NECTIN1: variants seen among roughly 807,000 people sequenced by gnomAD.
NECTIN1 encodes the protein nectin cell adhesion molecule 1, also known as nectin-1.
In NECTIN1, 23 loss-of-function variants were observed where a neutral mutation model predicts 48.0. The observed-to-expected ratio is 0.48, with a 90% CI of 0.34 to 0.68. The LOEUF is 0.68. NECTIN1 is among the 30% of genes least tolerant of loss of function. The probability of loss-of-function intolerance (pLI) is 0.01; values close to 1 mark genes in which losing one functional copy is unlikely to be tolerated. For synonymous variants in NECTIN1, 270 were observed against 288.9 expected, an observed-to-expected ratio of 0.93 and a Z score of 0.66; for missense variants, 591 against 709.9, an observed-to-expected ratio of 0.83 and a Z score of 1.90.
chr11:119,664,862 C>T lies in NECTIN1; in HGVS notation c.1439G>A (p.Gly480Asp), dbSNP rs1350597487. ...GTAGCCCAGAGTCCGGTCCCCGTAG[C>T]CGTCCTGACGGGCCTCGGCCTCATC... ...TVDEAEARQD[G>D]YGDRTLGYQY... The change falls in exon 6 of 6, where the codon GGC (glycine) becomes GAC (aspartate). Residue 480 changes from glycine (G) to aspartate (D), a missense_variant. Gly to Asp is a moderately conservative substitution (Grantham distance 94). Transcript: ENST00000264025. 6 of 1,614,022 alleles carry T rather than the reference C, an allele frequency of 3.7e-6. No homozygotes were observed. The highest frequency in any genetic ancestry group is 1.3e-5 in the African/African-American group (1 of 75,038).
At chr11:119,670,822 A>G (rs1311514818) in intron 5 of NECTIN1, among the ~76,000 whole-genome samples, 1 of 151,772 alleles carries the variant, frequency 6.6e-6, no homozygotes, top group Non-Finnish European at 1.5e-5. Flanking sequence ...AATATTTTGT[A>G]GAGACGGGGT....
At chr11:119,719,446 C>T (rs1865793653) in intron 1 of NECTIN1, among the ~76,000 whole-genome samples, 1 of 152,188 alleles carries the variant, frequency 6.6e-6, no homozygotes, top group Non-Finnish European at 1.5e-5. Flanking sequence ...AATCCTGGCT[C>T]TGCCACTTAC....
chr11:119,689,552 GTGTGGGTGGGGCCC>G (rs1015159168), intron 1 of NECTIN1, among the ~76,000 whole-genome samples: 1 of 152,210 alleles, frequency 6.6e-6, no homozygotes, highest in Non-Finnish European at 1.5e-5. Context: ...AGGCTTCAGG[GTGTGGGTGGGGCCC>G]TGCTGCTGAA....
chr11:119,709,652 CTG>C lies in NECTIN1; in HGVS notation c.79+18821_79+18822del, dbSNP rs1865602839. Among the ~76,000 whole-genome samples the C allele has an allele frequency of 6.6e-6, 1 of 151,754 alleles. No homozygotes were observed. The highest frequency in any genetic ancestry group is 6.6e-5 in the Admixed American group (1 of 15,256). On this transcript the variant is annotated intron_variant, in intron 1 of 5. Transcript: ENST00000264025. The surrounding 1 kb of genome is among the most constrained non-coding windows in gnomAD (Gnocchi z 4.1). ...AAGCCTGAAAGGAGCCTGGGAAAGA[CTG>C]GGGCTGGGGGCTGGGGGCTGGGAGA...
intron 5 of NECTIN1, among the ~76,000 whole-genome samples, chr11:119,648,277 ATGGTGG>A (rs1328646018): frequency 1.1e-3 from 28 of 25,036 alleles, no homozygotes; most frequent in African/African-American, 5.2e-3. Context: ...GGTGGTGGTG[ATGGTGG>A]TGGTGATGGT....
chr11:119,666,819 C>CA (rs1864778361), intron 5 of NECTIN1, among the ~76,000 whole-genome samples: 1 of 152,204 alleles, frequency 6.6e-6, no homozygotes, highest in African/African-American at 2.4e-5. Flanking sequence ...GGTGCTATCC[C>CA]ACTCGGCAGG....
In NECTIN1 at chr11:119,664,406, G is replaced by C; in HGVS notation, c.*341C>G. 9.1e-7 allele frequency: 1 copy of C among 1,096,708 alleles called. No homozygotes were observed. The highest frequency in any genetic ancestry group is 1.6e-5 in the African/African-American group (1 of 61,292). The allele number at this position is 1,096,708 out of a possible 1,614,324, so 67.9% of individuals were successfully genotyped here. A position where few individuals can be genotyped will look rare whatever the true frequency, so the allele number is the denominator to read the frequency against. On this transcript the variant is annotated 3_prime_UTR_variant, in exon 6 of 6. Transcript: ENST00000264025. ...CAGTGTAGGGGGGCGGGGGAGGCTGGCTCCCCAAACCCTGGAGGGATGCCC... is the reference window on the plus strand; with the variant it reads ...CAGTGTAGGGGGGCGGGGGAGGCTGCCTCCCCAAACCCTGGAGGGATGCCC...
At chr11:119,660,646 C>A (rs1252309226), downstream of NECTIN1, among the ~76,000 whole-genome samples, 1 of 152,178 alleles carries the variant, frequency 6.6e-6, no homozygotes, top group African/African-American at 2.4e-5. Flanking sequence ...ACCCGTACCC[C>A]TAGGAGGGCA....
In NECTIN1 at chr11:119,728,689, CGGGGCGGGGTGGGCTGGGTGGG is replaced by C; in HGVS notation, c.-158_-137del. 1 of 69,738 alleles carries C rather than the reference CGGGGCGGGGTGGGCTGGGTGGG, an allele frequency of 1.4e-5. No homozygotes were observed. Among genetic ancestry groups the C allele is most frequent in the East Asian group, 4.0e-4 (1 of 2,482 alleles). The allele number at this position is 69,738 out of a possible 1,614,324, so 4.3% of individuals were successfully genotyped here. A position where few individuals can be genotyped will look rare whatever the true frequency, so the allele number is the denominator to read the frequency against. On this transcript the variant is annotated 5_prime_UTR_variant, in exon 1 of 6. The change creates a new upstream start codon in the 5' untranslated region. Transcript: ENST00000264025. ...ATCCAGGTCAGCTGCAGCCGTCGGC[CGGGGCGGGGTGGGCTGGGTGGG>C]ATCCGCGCGGCCGCAGTCCGGGCCC...
chr11:119,647,318 C>A (rs1421046032), intron 5 of NECTIN1, among the ~76,000 whole-genome samples: 1 of 151,760 alleles, frequency 6.6e-6, no homozygotes, highest in Admixed American at 6.6e-5. Flanking sequence ...ATGTCACCAG[C>A]ACCCCTGCCC....
At chr11:119,701,807 G>T (rs1382567881) in intron 1 of NECTIN1, among the ~76,000 whole-genome samples, 1 of 152,198 alleles carries the variant, frequency 6.6e-6, no homozygotes, top group African/African-American at 2.4e-5. Flanking sequence ...AAGGTGGTGG[G>T]GGGTGGTCAT....
At position 119,707,528 on chromosome 11, in the gene NECTIN1, C is replaced by T. The variant is rs757957968; in HGVS notation, c.79+20947G>A. Among the ~76,000 whole-genome samples, 13 of 152,216 alleles carry T rather than the reference C, an allele frequency of 8.5e-5. No homozygotes were observed. In the South Asian group the frequency reaches 1.9e-3, roughly 22 times the overall value. ...TCGAACAGGGTGAACAACACCTCCCCACCGTCTCCCCACTCCAACTGCCCA... is the reference window on the plus strand; with the variant it reads ...TCGAACAGGGTGAACAACACCTCCCTACCGTCTCCCCACTCCAACTGCCCA... On this transcript the variant is annotated intron_variant, in intron 1 of 5. Transcript: ENST00000264025.
intron 1 of NECTIN1, among the ~76,000 whole-genome samples, chr11:119,682,412 C>T (rs1351502627): frequency 6.6e-6 from 1 of 152,198 alleles, no homozygotes; most frequent in Non-Finnish European, 1.5e-5. Flanking sequence ...CTTCTCCAGA[C>T]ACTGCAGCCT....
chr11:119,689,563 G>A (rs1358647046), intron 1 of NECTIN1, among the ~76,000 whole-genome samples: 5 of 152,208 alleles, frequency 3.3e-5, no homozygotes, highest in Non-Finnish European at 5.9e-5. Flanking sequence ...TGTGGGTGGG[G>A]CCCTGCTGCT....
At chr11:119,652,133 T>C (rs1768298701) in intron 5 of NECTIN1, among the ~76,000 whole-genome samples, 1 of 152,202 alleles carries the variant, frequency 6.6e-6, no homozygotes, top group African/African-American at 2.4e-5. Flanking sequence ...TTGGTGTGCC[T>C]TGCTGTCCCC....
rs1338526521 is a variant in NECTIN1, at chr11:119,727,303, C to T, written c.79+1172G>A. Among the ~76,000 whole-genome samples, 1 of 152,210 alleles carries T rather than the reference C, an allele frequency of 6.6e-6. No homozygotes were observed. Among genetic ancestry groups the T allele is most frequent in the Non-Finnish European group, 1.5e-5 (1 of 68,044 alleles). On this transcript the variant is annotated intron_variant, in intron 1 of 5. Coordinates refer to ENST00000264025, the MANE Select transcript of NECTIN1 (RefSeq NM_002855.5). This position sits in a 1 kb window ranked among gnomAD's most constrained non-coding sequence, Gnocchi z 4.1. The stretch of plus-strand genomic sequence containing the variant: ...TGCAGGAACTCGGGATCTAATATTC[C>T]TGCCCCACGAGGAGATGGTCTCTGT...
At position 119,665,224 on chromosome 11, in the gene NECTIN1, G is replaced by A. The variant is rs780660537; in HGVS notation, c.1077C>T (p.Gly359=). The change falls in exon 6 of 6, where the codon GGC becomes GGT. Residue 359 remains glycine, a synonymous_variant. Coordinates refer to ENST00000264025, the MANE Select transcript of NECTIN1 (RefSeq NM_002855.5). This position sits in a 1 kb window ranked among gnomAD's most constrained non-coding sequence, Gnocchi z 5.1. ...AGPVPTAIIG[G]VAGSILLVLI... ...ACACCAGCAGGATGCTCCCCGCCACGCCCCCAATGATGGCCGTGGGCACCG... is the reference window on the plus strand; with the variant it reads ...ACACCAGCAGGATGCTCCCCGCCACACCCCCAATGATGGCCGTGGGCACCG... 2.5e-6 allele frequency: 4 copies of A among 1,603,896 alleles called. No homozygotes were observed. The highest frequency in any genetic ancestry group is 1.3e-5 in the African/African-American group (1 of 74,892).
chr11:119,709,813 C>G lies in NECTIN1; in HGVS notation c.79+18662G>C, dbSNP rs942134890. The G allele has an allele frequency of 1.3e-4, 20 of 152,210 alleles. No homozygotes were observed. Among genetic ancestry groups the G allele is most frequent in the Non-Finnish European group, 1.5e-5 (1 of 68,072 alleles). The allele number at this position is 152,210 out of a possible 1,614,324, so 9.4% of individuals were successfully genotyped here. A position where few individuals can be genotyped will look rare whatever the true frequency, so the allele number is the denominator to read the frequency against. On this transcript the variant is annotated intron_variant, in intron 1 of 5. Transcript: ENST00000264025. The surrounding 1 kb of genome is among the most constrained non-coding windows in gnomAD (Gnocchi z 4.1). The stretch of plus-strand genomic sequence containing the variant: ...GGACCTAGCTGGTTTTTCCCAGCAT[C>G]CCCCAGGCCACTTCTCTCACCACAA...
downstream of NECTIN1, among the ~76,000 whole-genome samples, chr11:119,657,942 G>A (rs891601900): frequency 8.6e-5 from 7 of 81,012 alleles, no homozygotes; most frequent in Non-Finnish European, 1.7e-4. Flanking sequence ...AAAAAAAAAA[G>A]TCTGTCTAGG....
Sources: allele counts gnomAD v4.1 joint callset (sites outside exome capture counted in the v4.1 genomes callset), GRCh38; gene constraint gnomAD v4.1.1; non-coding constraint Gnocchi (gnomAD v3.1); transcripts MANE v1.5; gene names NCBI Gene and HGNC (gene_info 2026-07-23, HGNC 2026-07-21).